The following MYO10 variants were observed in gnomAD, a reference collection of about 807,000 sequenced individuals.
MYO10 encodes myosin X.
MYO10 carries 133 observed loss-of-function variants against 257.3 expected under a neutral mutation model. That is an observed-to-expected ratio of 0.52 (90% CI 0.45 to 0.60). The LOEUF (loss-of-function observed/expected upper bound fraction) is 0.60, where lower values mean the gene tolerates loss of function less well. Among genes scored for constraint, MYO10 ranks in the 20% least tolerant of loss-of-function variants. MYO10 has a pLI of 0.00. For synonymous variants in MYO10, 1,104 were observed against 1,028.6 expected, an observed-to-expected ratio of 1.07 and a Z score of -1.40; for missense variants, 2,399 against 2,635.7, an observed-to-expected ratio of 0.91 and a Z score of 1.97.
At chr5:16,703,880 C>CAAAA (rs55980169) in intron 22 of MYO10, among the ~76,000 whole-genome samples, 4 of 76,944 alleles carry the variant, frequency 5.2e-5, no homozygotes, top group Non-Finnish European at 1.0e-4. Flanking sequence ...GACTCTGTCT[C>CAAAA]AAAAAAAAAA....
At chr5:16,683,356 C>T (rs568093581) in intron 30 of MYO10, among the ~76,000 whole-genome samples, 7 of 152,206 alleles carry the variant, frequency 4.6e-5, no homozygotes, top group East Asian at 1.9e-4. Flanking sequence ...GGCACAAAGA[C>T]GCGTAAGATC....
At chr5:16,721,761 G>A (rs901107784) in intron 19 of MYO10, among the ~76,000 whole-genome samples, 11 of 152,020 alleles carry the variant, frequency 7.2e-5, no homozygotes, top group South Asian at 4.1e-4. Context: ...CGCTTACCTC[G>A]GACCCACACA....
At chr5:16,779,175 G>C (rs568142730) in intron 9 of MYO10, among the ~76,000 whole-genome samples, 1 of 152,320 alleles carries the variant, frequency 6.6e-6, no homozygotes, top group African/African-American at 2.4e-5. Flanking sequence ...GTTTTTCAAA[G>C]AAATCTTACT....
intron 1 of MYO10, among the ~76,000 whole-genome samples, chr5:16,900,744 G>GTTTTT (rs374195788): frequency 0.25 from 32,664 of 132,104 alleles, 5,141 homozygotes; most frequent in Admixed American, 0.37. Flanking sequence ...CCTAAATCTT[G>GTTTTT]TTTTTTTTTT....
At chr5:16,738,209 C>T (rs991656513) in intron 19 of MYO10, 3 of 985,066 alleles carry the variant, frequency 3.0e-6, no homozygotes, top group African/African-American at 1.8e-5. Context: ...GGGCAGAACC[C>T]GAGGCCATGC....
rs539345471 is a variant in MYO10 at position 16,689,723 on chromosome 5, T to A, written c.3896+101A>T. ...GTTCTTCAAAAAAAGTCAATTAAAATTTTTCAAGGCCAGTACAGTAAACAG... is the reference window on the plus strand; with the variant it reads ...GTTCTTCAAAAAAAGTCAATTAAAAATTTTCAAGGCCAGTACAGTAAACAG... On this transcript the variant is annotated intron_variant, in intron 28 of 40. Transcript: ENST00000513610. 9.4e-5 allele frequency: 89 copies of A among 943,310 alleles called. No homozygotes were observed. The South Asian group carries it at 9.7e-4, about 10-fold the overall frequency. The allele number at this position is 943,310 out of a possible 1,614,324, so 58.4% of individuals were successfully genotyped here.
At chr5:16,850,993 G>C (rs1435297589) in intron 2 of MYO10, among the ~76,000 whole-genome samples, 2 of 152,006 alleles carry the variant, frequency 1.3e-5, no homozygotes, top group Non-Finnish European at 2.9e-5. Context: ...AGTAGAGACA[G>C]GGTTTTGCCT....
chr5:16,692,638 G>C (rs1737559702), intron 27 of MYO10, among the ~76,000 whole-genome samples: 1 of 152,120 alleles, frequency 6.6e-6, no homozygotes. Context: ...GGAGCGGACT[G>C]GATAGAACTG....
At chr5:16,788,330 T>C (rs75188087) in intron 4 of MYO10, among the ~76,000 whole-genome samples, 2,496 of 152,198 alleles carry the variant, frequency 0.016, 69 homozygotes, top group African/African-American at 0.056. Flanking sequence ...GCTGGCGTGA[T>C]GATTCAGGAA....
chr5:16,811,857 T>C (rs1742450470), intron 3 of MYO10, among the ~76,000 whole-genome samples: 1 of 152,190 alleles, frequency 6.6e-6, no homozygotes, highest in African/African-American at 2.4e-5. Flanking sequence ...GGCTTTCTAC[T>C]CAACCCTGAT....
At chr5:16,689,171 G>T (rs1338085234) in intron 28 of MYO10, among the ~76,000 whole-genome samples, 1 of 152,194 alleles carries the variant, frequency 6.6e-6, no homozygotes, top group Non-Finnish European at 1.5e-5. Context: ...ATGGATGATG[G>T]TAATAATTAA....
chr5:16,763,705 C>T lies in MYO10; in HGVS notation c.1377G>A (p.Gln459=), dbSNP rs932919912. ...AAAAAATATGCTTGTTGAAGTACTC[C>T]TGAAGTTTCTCGTTTGCATAGTTTA... The part of the protein sequence containing the change: ...FNINYANEKL[Q]EYFNKHIFSL... Residue 459 remains glutamine (Q), a synonymous_variant, in exon 13 of 41, where the codon CAG becomes CAA. Coordinates refer to ENST00000513610, the MANE Select transcript of MYO10 (RefSeq NM_012334.3). 26 of 1,610,678 alleles carry T rather than the reference C, an allele frequency of 1.6e-5. No homozygotes were observed. Among genetic ancestry groups the T allele is most frequent in the Non-Finnish European group, 2.0e-5 (24 of 1,177,512 alleles).
At chr5:16,789,623 T>TA (rs1741694900) in intron 4 of MYO10, among the ~76,000 whole-genome samples, 1 of 151,944 alleles carries the variant, frequency 6.6e-6, no homozygotes, top group Non-Finnish European at 1.5e-5. Flanking sequence ...CCTCATATCG[T>TA]AAAAATACGA....
intron 2 of MYO10, among the ~76,000 whole-genome samples, chr5:16,866,468 G>A (rs1744254144): frequency 6.6e-6 from 1 of 152,118 alleles, no homozygotes; most frequent in South Asian, 2.1e-4. Context: ...TGAACCATAT[G>A]TGATTGCCGA....
At chr5:16,806,789 G>T (rs1179967072) in intron 3 of MYO10, among the ~76,000 whole-genome samples, 1 of 152,080 alleles carries the variant, frequency 6.6e-6, no homozygotes, top group East Asian at 1.9e-4. Context: ...GCATGGTTTG[G>T]TCAAGTCAGA....
At chr5:16,760,295 CAAAAAAAAA>C (rs749694848) in intron 17 of MYO10, among the ~76,000 whole-genome samples, 1 of 107,314 alleles carries the variant, frequency 9.3e-6, no homozygotes, top group South Asian at 3.0e-4. Flanking sequence ...ACTAAAGATA[CAAAAAAAAA>C]AAAAAAAATA....
rs751653935 is a variant in MYO10 at position 16,701,369 on chromosome 5, T to C, written c.3026A>G (p.Asn1009Ser). The C allele has an allele frequency of 3.1e-6, 5 of 1,613,844 alleles. No homozygotes were observed. The highest frequency in any genetic ancestry group is 2.7e-5 in the African/African-American group (2 of 74,932). The change falls in exon 25 of 41, where the codon AAC (asparagine) becomes AGC (serine). Residue 1009 changes from asparagine to serine, a missense_variant. Transcript: ENST00000513610. The surrounding 1 kb of genome is among the most constrained non-coding windows in gnomAD (Gnocchi z 8.1). ...GTCTGAGTGGCCGTGCTCGCTGGGGTTGGGGGAGTCCTTGAAGGCGTCGTC... is the reference window on the plus strand; with the variant it reads ...GTCTGAGTGGCCGTGCTCGCTGGGGCTGGGGGAGTCCTTGAAGGCGTCGTC... ...ADDDAFKDSPNPSEHGHSDQR... is the reference protein window; with the variant it reads ...ADDDAFKDSPSPSEHGHSDQR...
intron 2 of MYO10, among the ~76,000 whole-genome samples, chr5:16,868,619 A>G (rs1456329226): frequency 6.6e-6 from 1 of 151,990 alleles, no homozygotes; most frequent in African/African-American, 2.4e-5. Flanking sequence ...AAAAAAAAAA[A>G]TTCTGCTTTT....
chr5:16,889,885 A>T (rs1196936755), intron 1 of MYO10, among the ~76,000 whole-genome samples: 1 of 151,732 alleles, frequency 6.6e-6, no homozygotes, highest in Non-Finnish European at 1.5e-5. Flanking sequence ...CTTGATAAGA[A>T]TCATTTTTGT....
Sources: gnomAD v4.1 joint callset for allele counts (sites outside exome capture counted in the v4.1 genomes callset) on GRCh38, gnomAD v4.1.1 for gene constraint, Gnocchi (gnomAD v3.1) non-coding constraint, MANE v1.5 for transcripts, NCBI Gene and HGNC (gene_info 2026-07-23, HGNC 2026-07-21) for gene names.